TRIM14: variants seen among roughly 807,000 people sequenced by gnomAD.
The protein encoded by TRIM14 is tripartite motif-containing protein 14.
TRIM14 carries 28 observed loss-of-function variants against 44.5 expected under a neutral mutation model. The ratio of observed to expected loss-of-function variants is 0.63; its 90% CI spans 0.47 to 0.86. The LOEUF is 0.86. Among genes scored for constraint, TRIM14 ranks in the 40% least tolerant of loss-of-function variants. The pLI is 0.00. For missense variants in TRIM14, 607 were observed against 611.1 expected (o/e 0.99, Z 0.07); for synonymous variants, 299 against 269.2 (o/e 1.11, Z -1.08).
At chr9:98,038,278 C>G in the TRIM14 span, among the ~76,000 whole-genome samples, 1 of 152,098 alleles carries the variant, frequency 6.6e-6, no homozygotes, top group Non-Finnish European at 1.5e-5. Flanking sequence ...TCTCAAACTC[C>G]TGACCTCAAG....
intron 6 of TRIM14, among the ~76,000 whole-genome samples, chr9:98,073,242 C>A (rs1339166477): frequency 6.7e-6 from 1 of 148,150 alleles, no homozygotes; most frequent in Non-Finnish European, 1.5e-5. Context: ...TCCCCTGACT[C>A]CCTGTTCTCC....
intron 6 of TRIM14, among the ~76,000 whole-genome samples, chr9:98,073,137 G>A (rs909910002): frequency 2.0e-4 from 30 of 152,150 alleles, no homozygotes; most frequent in African/African-American, 7.0e-4. Context: ...CAGCAAAGCC[G>A]CCCTTCCCTC....
At chr9:98,106,857 G>A (rs191955158) in intron 2 of TRIM14, among the ~76,000 whole-genome samples, 164 of 135,242 alleles carry the variant, frequency 1.2e-3, no homozygotes, top group South Asian at 5.4e-3. Context: ...ACATGGTCTC[G>A]CTCTGTCACC....
rs116097112 is a variant in TRIM14 at position 98,078,379 on chromosome 9, G to A, written c.*29-8692C>T. ...AGGAGGGAGGGGGTTCCCTTCTTGG[G>A]CCATTTACTATGGGGAAGGCGTAGT... On this transcript the variant is annotated intron_variant, in intron 6 of 6. Coordinates refer to the TRIM14 transcript ENST00000375098. 8.3e-4 allele frequency: 1,337 copies of A among 1,604,124 alleles called. 6 individuals are homozygous for A. The African/African-American group carries it at 0.015, about 18-fold the overall frequency.
intron 5 of TRIM14, 32 bp from the exon 6 acceptor site, chr9:98,088,037 T>C (rs1825860906): frequency 1.7e-5 from 25 of 1,445,540 alleles, no homozygotes; most frequent in African/African-American, 1.5e-4. Flanking sequence ...ACGCACCTGG[T>C]GGGCGGGGCC....
chr9:98,112,166 T>A (rs1186310270), intron 1 of TRIM14, among the ~76,000 whole-genome samples: 1 of 152,162 alleles, frequency 6.6e-6, no homozygotes, highest in Non-Finnish European at 1.5e-5. Flanking sequence ...ACTTCCTAGG[T>A]TTTTCACTGG....
chr9:98,060,893 G>A, the TRIM14 span: 38 of 1,614,196 alleles, frequency 2.4e-5, no homozygotes, highest in African/African-American at 3.1e-4. Flanking sequence ...GAAGACGTAC[G>A]GGGAGCACAA....
the TRIM14 span, among the ~76,000 whole-genome samples, chr9:98,059,384 C>T: frequency 1.1e-4 from 17 of 152,044 alleles, no homozygotes; most frequent in South Asian, 2.3e-3. Flanking sequence ...TGAGATGGGA[C>T]TTTAGTGGGT....
intron 5 of TRIM14, among the ~76,000 whole-genome samples, chr9:98,088,619 C>T (rs1825887546): frequency 6.6e-6 from 1 of 152,228 alleles, no homozygotes; most frequent in African/African-American, 2.4e-5. Flanking sequence ...CATTTTGACA[C>T]ATCATAATAT....
intron 1 of TRIM14, among the ~76,000 whole-genome samples, chr9:98,117,367 G>A (rs1038582914): frequency 2.6e-5 from 4 of 151,794 alleles, no homozygotes; most frequent in East Asian, 3.9e-4. Context: ...GCGTGATCTC[G>A]GCTCATTGCA....
At chr9:98,113,841 T>C (rs1826949665) in intron 1 of TRIM14, among the ~76,000 whole-genome samples, 1 of 152,234 alleles carries the variant, frequency 6.6e-6, no homozygotes, top group Non-Finnish European at 1.5e-5. Context: ...TGGTTTTTGC[T>C]TTTTGAAATC....
At chr9:98,050,581 TC>T in the TRIM14 span, among the ~76,000 whole-genome samples, 2 of 152,154 alleles carry the variant, frequency 1.3e-5, no homozygotes, top group African/African-American at 4.8e-5. Context: ...GGCCTAGTGC[TC>T]ATTCCAAAAC....
chr9:98,056,008 G>A, the TRIM14 span, among the ~76,000 whole-genome samples: 33,138 of 151,840 alleles, frequency 0.22, 3,848 homozygotes, highest in Admixed American at 0.27. Context: ...CCAAAGTGCT[G>A]GGATTACAGG....
At chr9:98,088,468 C>A (rs1369033549) in intron 5 of TRIM14, among the ~76,000 whole-genome samples, 2 of 152,190 alleles carry the variant, frequency 1.3e-5, no homozygotes, top group Non-Finnish European at 2.9e-5. Context: ...CATTCTCCTG[C>A]CTCAGCCTCC....
Position 98,101,425 on chromosome 9 carries a change from C to CA in TRIM14, c.304-1262dup, listed in dbSNP as rs1826386328. 2.0e-5 allele frequency among the ~76,000 whole-genome samples: 3 copies of CA among 149,100 alleles called. No homozygotes were observed. In the South Asian group the frequency reaches 6.5e-4, roughly 32 times the overall value. The stretch of plus-strand genomic sequence containing the variant: ...TAGAGGACAATACGACAATAGCTAT[C>CA]AATTTTTTTTTTTTTTTCAGACGAA... On this transcript the variant is annotated intron_variant, in intron 2 of 5. Transcript: ENST00000341469.
the TRIM14 span, among the ~76,000 whole-genome samples, chr9:98,038,240 T>C: frequency 1.1e-4 from 16 of 151,988 alleles, no homozygotes; most frequent in Non-Finnish European, 1.5e-5. Context: ...TTAGTAGAGA[T>C]GGGTTTTCAC....
At chr9:98,049,989 C>T in the TRIM14 span, among the ~76,000 whole-genome samples, 1 of 152,188 alleles carries the variant, frequency 6.6e-6, no homozygotes, top group African/African-American at 2.4e-5. Context: ...TCCAGTGCAG[C>T]TTTGTGGTAG....
the TRIM14 span, chr9:98,056,986 G>T: frequency 1.3e-6 from 2 of 1,516,600 alleles, no homozygotes; most frequent in Non-Finnish European, 8.8e-7. Flanking sequence ...GCCGGGAGGG[G>T]CGGGGCGGGG....
intron 4 of TRIM14, among the ~76,000 whole-genome samples, chr9:98,094,324 C>T (rs1826105463): frequency 1.3e-5 from 2 of 152,142 alleles, no homozygotes; most frequent in Non-Finnish European, 1.5e-5. Flanking sequence ...GGACCTAAAG[C>T]TGGTTTCTGC....
Sources: allele counts gnomAD v4.1 joint callset (sites outside exome capture counted in the v4.1 genomes callset), GRCh38; gene constraint gnomAD v4.1.1; transcripts MANE v1.5; gene names NCBI Gene and HGNC (gene_info 2026-07-23, HGNC 2026-07-21).